Variants in MARCHF1 observed in about 807,000 individuals in gnomAD.
MARCHF1 encodes the protein E3 ubiquitin-protein ligase MARCHF1.
A neutral mutation model predicts 54.2 loss-of-function variants in MARCHF1; 40 were observed. The ratio of observed to expected loss-of-function variants is 0.74; its 90% confidence interval spans 0.57 to 0.96. The LOEUF (loss-of-function observed/expected upper bound fraction) is 0.96. Ranked by LOEUF, MARCHF1 falls within the 40% of genes least tolerant of loss-of-function variation. The pLI, the probability that MARCHF1 is intolerant of heterozygous loss-of-function variation, is 0.00. For missense variants in MARCHF1, 586 were observed against 656.5 expected, an observed-to-expected ratio of 0.89 and a Z score of 1.17; for synonymous variants, 236 against 236.3, an observed-to-expected ratio of 1.00 and a Z score of 0.01.
At chr4:163,853,002 T>C (rs566901655) in intron 4 of MARCHF1, among the ~76,000 whole-genome samples, 1 of 152,222 alleles carries the variant, frequency 6.6e-6, no homozygotes, top group South Asian at 2.1e-4. Flanking sequence ...AGGCACCATC[T>C]ATGAATCAGA....
intron 4 of MARCHF1, among the ~76,000 whole-genome samples, chr4:163,733,241 ACACG>A (rs1349167512): frequency 9.0e-4 from 54 of 60,160 alleles, no homozygotes; most frequent in African/African-American, 1.8e-3. Context: ...ATATATATAT[ACACG>A]TGTATATATA....
chr4:164,086,091 T>G (rs923262069), intron 2 of MARCHF1, among the ~76,000 whole-genome samples: 4 of 152,018 alleles, frequency 2.6e-5, no homozygotes, highest in Admixed American at 6.6e-5. Flanking sequence ...TTGGCTGATT[T>G]TAAATCTTGG....
At chr4:164,377,670 C>A (rs531667553) in intron 1 of MARCHF1, among the ~76,000 whole-genome samples, 1 of 151,770 alleles carries the variant, frequency 6.6e-6, no homozygotes, top group Non-Finnish European at 1.5e-5. Flanking sequence ...CTAAAAGAAA[C>A]AAAAGTTTTA....
At chr4:163,967,158 T>C (rs180873700) in intron 3 of MARCHF1, among the ~76,000 whole-genome samples, 1 of 152,234 alleles carries the variant, frequency 6.6e-6, no homozygotes, top group East Asian at 1.9e-4. Context: ...AGGGACCTTG[T>C]ATACCACGAT....
At chr4:163,926,156 C>T (rs183486921) in intron 3 of MARCHF1, among the ~76,000 whole-genome samples, 1 of 151,690 alleles carries the variant, frequency 6.6e-6, no homozygotes, top group East Asian at 1.9e-4. Flanking sequence ...AGTTAACAAC[C>T]TCCTTTGTCC....
intron 4 of MARCHF1, among the ~76,000 whole-genome samples, chr4:163,753,534 C>A (rs1055204121): frequency 1.3e-5 from 2 of 151,816 alleles, no homozygotes; most frequent in African/African-American, 4.8e-5. Context: ...CCTGAGAAAC[C>A]TGGGATGGGG....
intron 3 of MARCHF1, among the ~76,000 whole-genome samples, chr4:163,921,694 T>C (rs1437532148): frequency 6.6e-6 from 1 of 152,142 alleles, no homozygotes; most frequent in Non-Finnish European, 1.5e-5. Flanking sequence ...AAGAAATCAA[T>C]TTATGATTAA....
chr4:164,225,844 G>C (rs1158797224), intron 1 of MARCHF1, among the ~76,000 whole-genome samples: 1 of 151,914 alleles, frequency 6.6e-6, no homozygotes, highest in Admixed American at 6.6e-5. Context: ...TCATTTAAAA[G>C]ATTTCCTACT....
chr4:164,044,518 C>G (rs771977114), intron 2 of MARCHF1, among the ~76,000 whole-genome samples: 1 of 152,082 alleles, frequency 6.6e-6, no homozygotes, highest in Non-Finnish European at 1.5e-5. Flanking sequence ...GGCCCTTCTT[C>G]CAATTCGACA....
chr4:163,648,689 G>T (rs1200904338), intron 5 of MARCHF1, among the ~76,000 whole-genome samples: 1 of 148,258 alleles, frequency 6.7e-6, no homozygotes, highest in East Asian at 1.9e-4. Flanking sequence ...AAATTATCAT[G>T]GAGAAGAAGA....
chr4:163,840,134 A>G (rs1374953456), intron 4 of MARCHF1, among the ~76,000 whole-genome samples: 1 of 152,166 alleles, frequency 6.6e-6, no homozygotes, highest in Non-Finnish European at 1.5e-5. Context: ...ATGGCTCTGG[A>G]AAAACATGAC....
intron 3 of MARCHF1, among the ~76,000 whole-genome samples, chr4:163,889,786 T>A (rs927223873): frequency 3.3e-5 from 5 of 151,440 alleles, no homozygotes; most frequent in Non-Finnish European, 7.4e-5. Flanking sequence ...ACCCTCTTAA[T>A]CCACCTCAGC....
chr4:163,728,728 C>T (rs1485033307), intron 4 of MARCHF1, among the ~76,000 whole-genome samples: 1 of 152,198 alleles, frequency 6.6e-6, no homozygotes, highest in Non-Finnish European at 1.5e-5. Context: ...TCTACATAGA[C>T]AATCATATTT....
chr4:164,154,337 C>T (rs1331847815), intron 1 of MARCHF1, among the ~76,000 whole-genome samples: 6 of 152,162 alleles, frequency 3.9e-5, no homozygotes, highest in African/African-American at 1.4e-4. Flanking sequence ...ATCATTTAGC[C>T]TCTATCCACA....
At chr4:163,901,830 C>A (rs13150650) in intron 3 of MARCHF1, among the ~76,000 whole-genome samples, 3 of 152,194 alleles carry the variant, frequency 2.0e-5, no homozygotes, top group Non-Finnish European at 2.9e-5. Context: ...ACTTCAGAAC[C>A]AACAACGGTA....
intron 2 of MARCHF1, among the ~76,000 whole-genome samples, chr4:164,000,022 T>C (rs1753155868): frequency 2.0e-5 from 3 of 151,726 alleles, no homozygotes; most frequent in Admixed American, 6.6e-5. Context: ...AGATTGATCA[T>C]GGATCCCTGA....
chr4:164,094,360 C>G (rs1426127163), intron 2 of MARCHF1, among the ~76,000 whole-genome samples: 1 of 152,154 alleles, frequency 6.6e-6, no homozygotes, highest in Admixed American at 6.6e-5. Flanking sequence ...ACTGAAATGA[C>G]AGGGACAATA....
chr4:163,901,409 A>T (rs1750938054), intron 3 of MARCHF1, among the ~76,000 whole-genome samples: 1 of 152,164 alleles, frequency 6.6e-6, no homozygotes, highest in Non-Finnish European at 1.5e-5. Context: ...TTATGAATGC[A>T]GTTGTCTTCA....
At chr4:163,555,921 A>G (rs1254461681) in intron 8 of MARCHF1, 1 of 456,312 alleles carries the variant, frequency 2.2e-6, no homozygotes, top group South Asian at 1.5e-5. Context: ...CTAAGTGATC[A>G]TAGCCTTGCC....
Sources: gnomAD v4.1 joint callset for allele counts (sites outside exome capture counted in the v4.1 genomes callset) on GRCh38, gnomAD v4.1.1 for gene constraint, MANE v1.5 for transcripts, NCBI Gene and HGNC (gene_info 2026-07-23, HGNC 2026-07-21) for gene names.